The following WIPF3 variants were observed in gnomAD, a reference collection of about 807,000 sequenced individuals.
WIPF3 encodes the protein WAS/WASL-interacting protein family member 3.
A neutral mutation model predicts 38.9 loss-of-function variants in WIPF3; 33 were observed. That is an observed-to-expected ratio of 0.85 (90% CI 0.64 to 1.14). WIPF3 has a LOEUF of 1.14. Ranked by LOEUF, WIPF3 falls within the 50% of genes most tolerant of loss-of-function variation. The pLI is 0.00. For missense variants in WIPF3, 711 were observed against 652.5 expected, an observed-to-expected ratio of 1.09 and a Z score of -0.98; for synonymous variants, 324 against 269.3, an observed-to-expected ratio of 1.20 and a Z score of -1.99.
intron 5 of WIPF3, among the ~76,000 whole-genome samples, chr7:29,886,455 C>T (rs962825254): frequency 6.6e-5 from 9 of 137,366 alleles, no homozygotes; most frequent in African/African-American, 1.9e-4. Context: ...CTCCCAGGTT[C>T]AAGTGATTCT....
chr7:29,830,005 T>G (rs922222466), intron 1 of WIPF3, among the ~76,000 whole-genome samples: 1 of 152,142 alleles, frequency 6.6e-6, no homozygotes, highest in East Asian at 1.9e-4. Context: ...CTCGAAGAGC[T>G]CTTGCGTGCA....
At chr7:29,828,368 G>A (rs1267431492) in intron 1 of WIPF3, among the ~76,000 whole-genome samples, 2 of 152,172 alleles carry the variant, frequency 1.3e-5, no homozygotes, top group Admixed American at 1.3e-4. Flanking sequence ...AGTACAGACA[G>A]GCTGAACATG....
chr7:29,884,201 C>G lies in WIPF3; in HGVS notation c.707C>G (p.Pro236Arg), dbSNP rs1424629135. 6.6e-7 allele frequency: 1 copy of G among 1,526,670 alleles called. No homozygotes were observed. Among genetic ancestry groups the G allele is most frequent in the African/African-American group, 1.4e-5 (1 of 71,472 alleles). The allele number at this position is 1,526,670 out of a possible 1,614,324, so 94.6% of individuals were successfully genotyped here. A position where few individuals can be genotyped will look rare whatever the true frequency, so the allele number is the denominator to read the frequency against. ...PPPPPPPTPP[P>R]LPPASVLSDK... is the part of the protein sequence containing the mutation. Reference sequence around the variant, plus strand: ...CCGCCACCTCCCCCAACGCCACCCCCGCTGCCCCCGGCCTCGGTTCTTAGT... The same window carrying G: ...CCGCCACCTCCCCCAACGCCACCCCGGCTGCCCCCGGCCTCGGTTCTTAGT... The change falls in exon 5 of 9, where the codon CCG (proline) becomes CGG (arginine). Residue 236 changes from proline (P) to arginine (R), a missense_variant. Coordinates refer to ENST00000242140, the MANE Select transcript of WIPF3 (RefSeq NM_001080529.3).
intron 7 of WIPF3, among the ~76,000 whole-genome samples, chr7:29,892,202 C>T (rs1353404194): frequency 1.3e-5 from 2 of 152,198 alleles, no homozygotes; most frequent in African/African-American, 4.8e-5. Flanking sequence ...CAGCAGGACT[C>T]ACACATGAGG....
chr7:29,822,959 C>T (rs1784564124), intron 1 of WIPF3, among the ~76,000 whole-genome samples: 1 of 152,188 alleles, frequency 6.6e-6, no homozygotes, highest in South Asian at 2.1e-4. Context: ...CTTCCATTTC[C>T]AAGAAGCCAC....
At chr7:29,909,097 T>C (rs1272886168) in intron 8 of WIPF3, among the ~76,000 whole-genome samples, 1 of 152,072 alleles carries the variant, frequency 6.6e-6, no homozygotes, top group Non-Finnish European at 1.5e-5. Context: ...CACTTGGAGA[T>C]TAATTGAAAT....
chr7:29,883,911 C>T lies in WIPF3; in HGVS notation c.417C>T (p.Thr139=), dbSNP rs1422233176. The change falls in exon 5 of 9, where the codon ACC becomes ACT. Residue 139 remains threonine (T), a synonymous_variant. Transcript: ENST00000242140. The stretch of plus-strand genomic sequence containing the variant: ...CCTCTCCCAGGCTTCCCAACAAAAC[C>T]ATCAGCGGCCCGCTTATCCCGCCTG... ...RAPSPRLPNK[T]ISGPLIPPAS... 1 of 1,579,194 alleles carries T rather than the reference C, an allele frequency of 6.3e-7. No individual in the cohort carries two copies. Among genetic ancestry groups the T allele is most frequent in the South Asian group, 1.2e-5 (1 of 85,950 alleles).
chr7:29,853,297 C>T (rs1785134892), intron 2 of WIPF3, among the ~76,000 whole-genome samples: 1 of 152,180 alleles, frequency 6.6e-6, no homozygotes, highest in Admixed American at 6.5e-5. Context: ...GTCCAACAGG[C>T]AGCTAGCCCA....
intron 1 of WIPF3, among the ~76,000 whole-genome samples, chr7:29,824,620 G>A (rs1018727813): frequency 6.6e-6 from 1 of 152,126 alleles, no homozygotes; most frequent in Non-Finnish European, 1.5e-5. Context: ...AACGGAGGAG[G>A]CCCAGAACAC....
intron 1 of WIPF3, among the ~76,000 whole-genome samples, chr7:29,808,721 G>C (rs1196380067): frequency 7.3e-6 from 1 of 136,248 alleles, no homozygotes; most frequent in Non-Finnish European, 1.6e-5. Context: ...GTGTGTGTGT[G>C]TGTCTAAGAA....
chr7:29,846,199 A>G (rs1334712486), intron 2 of WIPF3, among the ~76,000 whole-genome samples: 1 of 152,144 alleles, frequency 6.6e-6, no homozygotes, highest in Non-Finnish European at 1.5e-5. Flanking sequence ...TCTCATTCCA[A>G]CTCATTATTT....
intron 2 of WIPF3, among the ~76,000 whole-genome samples, chr7:29,851,801 A>G (rs1033074442): frequency 5.9e-5 from 9 of 152,142 alleles, no homozygotes; most frequent in Middle Eastern, 3.2e-3. Context: ...CCTCTGGGTA[A>G]CCTTGGATTT....
At chr7:29,888,990 A>G (rs1387815774) in intron 6 of WIPF3, among the ~76,000 whole-genome samples, 1 of 152,034 alleles carries the variant, frequency 6.6e-6, no homozygotes, top group Non-Finnish European at 1.5e-5. Flanking sequence ...CTGATTCTGG[A>G]CCCTGGAGAG....
chr7:29,835,723 C>T (rs1038109877), intron 2 of WIPF3, among the ~76,000 whole-genome samples: 5 of 152,186 alleles, frequency 3.3e-5, no homozygotes, highest in African/African-American at 9.7e-5. Flanking sequence ...CAGTGAGGGG[C>T]GTCTCGCATC....
intron 2 of WIPF3, among the ~76,000 whole-genome samples, chr7:29,855,904 T>G (rs1164151311): frequency 6.6e-6 from 1 of 152,242 alleles, no homozygotes; most frequent in Non-Finnish European, 1.5e-5. Context: ...ATTGTTTTAG[T>G]ATAAGTGTGT....
chr7:29,846,496 T>A (rs565263561), intron 2 of WIPF3, among the ~76,000 whole-genome samples: 1 of 152,032 alleles, frequency 6.6e-6, no homozygotes, highest in Admixed American at 6.6e-5. Context: ...AGGTCAGGAG[T>A]TCAACACCAG....
At chr7:29,879,720 C>G (rs1028700531) in intron 4 of WIPF3, among the ~76,000 whole-genome samples, 1 of 152,182 alleles carries the variant, frequency 6.6e-6, no homozygotes, top group Non-Finnish European at 1.5e-5. Flanking sequence ...TTTTTCCAAC[C>G]TCTGGAGCCT....
chr7:29,829,750 C>T (rs1784686032), intron 1 of WIPF3, among the ~76,000 whole-genome samples: 1 of 152,200 alleles, frequency 6.6e-6, no homozygotes, highest in South Asian at 2.1e-4. Flanking sequence ...GAAGCGGAAC[C>T]TGGGGCCGCC....
intron 2 of WIPF3, among the ~76,000 whole-genome samples, chr7:29,866,212 T>C (rs979108433): frequency 6.6e-6 from 1 of 152,250 alleles, no homozygotes; most frequent in African/African-American, 2.4e-5. Flanking sequence ...CAGACAATAC[T>C]GTGGAAACAT....
Sources: allele counts gnomAD v4.1 joint callset (sites outside exome capture counted in the v4.1 genomes callset), GRCh38; gene constraint gnomAD v4.1.1; transcripts MANE v1.5; gene names NCBI Gene and HGNC (gene_info 2026-07-23, HGNC 2026-07-21).